THSD7B: variants seen among roughly 807,000 people sequenced by gnomAD.
THSD7B encodes the protein thrombospondin type 1 domain containing 7B.
In THSD7B, 138 loss-of-function variants were observed where a neutral mutation model predicts 213.6. The ratio of observed to expected loss-of-function variants is 0.65; its 90% CI spans 0.56 to 0.74. The LOEUF is 0.74. THSD7B is among the 30% of genes least tolerant of loss of function. The pLI, the probability that THSD7B is intolerant of heterozygous loss-of-function variation, is 0.00. For missense variants in THSD7B, 1,931 were observed against 1,991.5 expected (o/e 0.97, Z 0.58); for synonymous variants, 742 against 687.0 (o/e 1.08, Z -1.25).
At chr2:136,779,198 ATGTGTGTGTGTGTGTGTGTGTGTG>A (rs199689020) in intron 1 of THSD7B, among the ~76,000 whole-genome samples, 9 of 55,086 alleles carry the variant, frequency 1.6e-4, no homozygotes, top group Non-Finnish European at 2.0e-4. Context: ...ATATATATAT[ATGTGTGTGTGTGTGTGTGTGTGTG>A]TGTGTGTGTG....
At chr2:137,612,481 TATTTGTC>T (rs752954922) in intron 17 of THSD7B, among the ~76,000 whole-genome samples, 1 of 152,308 alleles carries the variant, frequency 6.6e-6, no homozygotes, top group Non-Finnish European at 1.5e-5. Context: ...ACCTCCCATT[TATTTGTC>T]ATTTGTCAGA....
intron 15 of THSD7B, among the ~76,000 whole-genome samples, chr2:137,533,222 C>T (rs962712318): frequency 1.3e-5 from 2 of 151,772 alleles, no homozygotes; most frequent in Non-Finnish European, 2.9e-5. Flanking sequence ...TCATTTCTGA[C>T]TCATTCCTCT....
intron 17 of THSD7B, among the ~76,000 whole-genome samples, chr2:137,603,525 C>T (rs1163054840): frequency 1.3e-5 from 2 of 152,128 alleles, no homozygotes; most frequent in South Asian, 2.1e-4. Context: ...GGCTGAGACT[C>T]ATTAGCCACT....
At chr2:136,832,998 A>C (rs1446986280) in intron 1 of THSD7B, among the ~76,000 whole-genome samples, 2 of 152,114 alleles carry the variant, frequency 1.3e-5, no homozygotes, top group African/African-American at 4.8e-5. Flanking sequence ...TCTTCTACTG[A>C]TCTCTTAATA....
chr2:137,274,881 G>C (rs888536222), intron 11 of THSD7B, among the ~76,000 whole-genome samples: 1 of 151,978 alleles, frequency 6.6e-6, no homozygotes, highest in African/African-American at 2.4e-5. Context: ...CTGTTTAGCT[G>C]TTTCCTGATT....
intron 1 of THSD7B, among the ~76,000 whole-genome samples, chr2:136,881,105 C>T (rs553254060): frequency 6.6e-6 from 1 of 152,288 alleles, no homozygotes; most frequent in African/African-American, 2.4e-5. Context: ...CCCTTCCCAA[C>T]TCCTTCAAGT....
At chr2:137,440,917 C>T (rs1241762342) in intron 14 of THSD7B, among the ~76,000 whole-genome samples, 1 of 152,160 alleles carries the variant, frequency 6.6e-6, no homozygotes, top group Admixed American at 6.5e-5. Flanking sequence ...AGAAATCTAT[C>T]TACTCATAAA....
rs76027897 is a variant in THSD7B, at chr2:137,017,681, C to T, written c.140-38739C>T. ...TCAGGACATCCCTTATGGTCTGTCA[C>T]TCATACAGGCTTCATTAGTCCCTCA... On this transcript the variant is annotated intron_variant, in intron 2 of 27. Transcript: ENST00000409968. Among the ~76,000 whole-genome samples, 773 of 152,270 alleles carry T rather than the reference C, an allele frequency of 5.1e-3. 13 individuals carry two copies. The highest frequency in any genetic ancestry group is 0.018 in the African/African-American group (741 of 41,568).
chr2:137,116,437 C>A (rs1212392701), intron 5 of THSD7B, among the ~76,000 whole-genome samples: 1 of 152,174 alleles, frequency 6.6e-6, no homozygotes, highest in African/African-American at 2.4e-5. Flanking sequence ...TAAAAGGCTC[C>A]AGGTTAGTTT....
chr2:137,667,074 CTTAA>C (rs1422900573), intron 26 of THSD7B, among the ~76,000 whole-genome samples: 1 of 152,018 alleles, frequency 6.6e-6, no homozygotes, highest in Non-Finnish European at 1.5e-5. Flanking sequence ...AAGGTTGTCT[CTTAA>C]TTATAATTTT....
intron 15 of THSD7B, among the ~76,000 whole-genome samples, chr2:137,482,532 C>T (rs1688330916): frequency 6.6e-6 from 1 of 152,112 alleles, no homozygotes; most frequent in African/African-American, 2.4e-5. Flanking sequence ...ACTGAGTAAT[C>T]ACAGAAAGTA....
chr2:137,510,889 G>A (rs897150714), intron 15 of THSD7B, among the ~76,000 whole-genome samples: 2 of 152,102 alleles, frequency 1.3e-5, no homozygotes, highest in African/African-American at 4.8e-5. Context: ...ACTTCTTGAT[G>A]CATTAGTTAA....
At chr2:137,426,936 T>C (rs1029996862) in intron 14 of THSD7B, among the ~76,000 whole-genome samples, 2 of 152,026 alleles carry the variant, frequency 1.3e-5, no homozygotes, top group African/African-American at 4.8e-5. Flanking sequence ...TAAAAACTAC[T>C]ACAACTCAAT....
chr2:137,667,382 T>G (rs954884348), intron 26 of THSD7B, among the ~76,000 whole-genome samples: 1 of 152,182 alleles, frequency 6.6e-6, no homozygotes, highest in African/African-American at 2.4e-5. Flanking sequence ...AATAAACATT[T>G]GGTGCCATGA....
At chr2:136,955,755 G>A (rs1031926689) in intron 2 of THSD7B, among the ~76,000 whole-genome samples, 2 of 152,050 alleles carry the variant, frequency 1.3e-5, no homozygotes, top group Non-Finnish European at 2.9e-5. Context: ...GAAACTATAT[G>A]TTTTCTCCTG....
chr2:137,115,692 C>G (rs1688436910), intron 5 of THSD7B, among the ~76,000 whole-genome samples: 1 of 152,080 alleles, frequency 6.6e-6, no homozygotes, highest in Admixed American at 6.5e-5. Context: ...TTTCTGCAAA[C>G]ATATTCCTTT....
chr2:136,855,125 T>C (rs960246077), intron 1 of THSD7B, among the ~76,000 whole-genome samples: 1 of 152,142 alleles, frequency 6.6e-6, no homozygotes, highest in Non-Finnish European at 1.5e-5. Flanking sequence ...CTTACTCGCG[T>C]CTCCTTTATA....
chr2:137,076,002 G>T (rs1361306800), intron 3 of THSD7B, among the ~76,000 whole-genome samples: 1 of 152,190 alleles, frequency 6.6e-6, no homozygotes, highest in East Asian at 1.9e-4. Context: ...CCCTACTGGG[G>T]GGTGCCTCCC....
At chr2:137,105,249 C>A (rs1688224945) in intron 4 of THSD7B, among the ~76,000 whole-genome samples, 1 of 152,184 alleles carries the variant, frequency 6.6e-6, no homozygotes, top group Non-Finnish European at 1.5e-5. Flanking sequence ...AAGGCGGATT[C>A]AACGTATGCA....
Sources: gnomAD v4.1 joint callset for allele counts (sites outside exome capture counted in the v4.1 genomes callset) on GRCh38, gnomAD v4.1.1 for gene constraint, MANE v1.5 for transcripts, NCBI Gene and HGNC (gene_info 2026-07-23, HGNC 2026-07-21) for gene names.